PLCB1: variants seen among roughly 807,000 people sequenced by gnomAD.
The protein encoded by PLCB1 is phospholipase C beta 1.
PLCB1 carries 46 observed loss-of-function variants against 161.8 expected under a neutral mutation model. The ratio of observed to expected loss-of-function variants is 0.28; its 90% CI spans 0.22 to 0.36. The LOEUF is 0.36. Ranked by LOEUF, PLCB1 falls within the 10% of genes least tolerant of loss-of-function variation. The probability of loss-of-function intolerance (pLI) is 1.00; values close to 1 mark genes in which losing one functional copy is unlikely to be tolerated. For missense variants in PLCB1, 1,016 were observed against 1,472.5 expected (o/e 0.69, Z 5.07); for synonymous variants, 517 against 503.7 (o/e 1.03, Z -0.35).
intron 2 of PLCB1, among the ~76,000 whole-genome samples, chr20:8,296,855 A>G (rs1366863847): frequency 1.3e-5 from 2 of 152,196 alleles, no homozygotes; most frequent in Non-Finnish European, 2.9e-5. Context: ...TCATGCAGAC[A>G]TTATATATCA....
At chr20:8,354,671 G>C (rs1482734602) in intron 2 of PLCB1, among the ~76,000 whole-genome samples, 1 of 152,184 alleles carries the variant, frequency 6.6e-6, no homozygotes, top group Non-Finnish European at 1.5e-5. Flanking sequence ...GAGCGGAGGA[G>C]AGTTGGGGAA....
intron 2 of PLCB1, among the ~76,000 whole-genome samples, chr20:8,322,848 G>A (rs1037422205): frequency 4.6e-5 from 7 of 152,172 alleles, no homozygotes; most frequent in Non-Finnish European, 8.8e-5. Flanking sequence ...CAGAGGAAAG[G>A]AAGTAGCTGT....
intron 31 of PLCB1, among the ~76,000 whole-genome samples, chr20:8,795,840 A>C (rs1374010407): frequency 1.3e-5 from 2 of 150,912 alleles, no homozygotes; most frequent in Non-Finnish European, 2.9e-5. Context: ...GCGCCACTGC[A>C]TTCAAGCCTG....
At chr20:8,313,404 G>A (rs1241108876) in intron 2 of PLCB1, among the ~76,000 whole-genome samples, 5 of 151,908 alleles carry the variant, frequency 3.3e-5, no homozygotes, top group African/African-American at 4.8e-5. Context: ...GGTGGTGACA[G>A]AAGAGCAAAG....
chr20:8,775,830 C>T (rs1027564167), intron 27 of PLCB1, among the ~76,000 whole-genome samples: 1 of 152,128 alleles, frequency 6.6e-6, no homozygotes, highest in African/African-American at 2.4e-5. Context: ...ATCCCAGGAC[C>T]AGACTTCAAG....
At chr20:8,802,157 A>G in intron 31 of PLCB1, 3 of 1,602,440 alleles carry the variant, frequency 1.9e-6, no homozygotes, top group Non-Finnish European at 2.6e-6. Context: ...AGTGGTGACC[A>G]CCGTCCTTCC....
At chr20:8,229,613 G>A (rs1003615447) in intron 2 of PLCB1, among the ~76,000 whole-genome samples, 1 of 152,150 alleles carries the variant, frequency 6.6e-6, no homozygotes, top group Non-Finnish European at 1.5e-5. Context: ...CACAGATATG[G>A]AACATTTCCA....
At chr20:8,368,777 T>A (rs1023596073) in intron 2 of PLCB1, among the ~76,000 whole-genome samples, 12 of 152,232 alleles carry the variant, frequency 7.9e-5, no homozygotes, top group Admixed American at 5.2e-4. Context: ...CTCTGTGACA[T>A]ATCCTAAGTG....
At chr20:8,485,836 C>T (rs1467164369) in intron 3 of PLCB1, among the ~76,000 whole-genome samples, 3 of 152,198 alleles carry the variant, frequency 2.0e-5, no homozygotes, top group African/African-American at 7.2e-5. Flanking sequence ...TTGGGGTCTA[C>T]AGAGGTATGG....
intron 3 of PLCB1, among the ~76,000 whole-genome samples, chr20:8,407,507 G>A (rs968873636): frequency 3.9e-5 from 6 of 152,178 alleles, no homozygotes; most frequent in African/African-American, 1.2e-4. Flanking sequence ...ACATGGTGGC[G>A]GCAAGAGAAA....
intron 9 of PLCB1, among the ~76,000 whole-genome samples, chr20:8,670,187 A>G (rs978138611): frequency 2.6e-5 from 4 of 152,144 alleles, no homozygotes; most frequent in Admixed American, 6.5e-5. Context: ...TTATCTTTCT[A>G]TGTCATTTTA....
rs547278365 is a variant in PLCB1 at position 8,698,973 on chromosome 20, A to C, written c.1167+1190A>C. On this transcript the variant is annotated intron_variant, in intron 11 of 31. Transcript: ENST00000338037. ...AAGCCCAAATATCTAAAGTCTGTCC[A>C]CATGTCCTGCAAAGAGCCTTCCCCA... Among the ~76,000 whole-genome samples the C allele has an allele frequency of 3.3e-5, 5 of 152,290 alleles. No homozygotes were observed. The South Asian group carries it at 1.0e-3, about 32-fold the overall frequency.
At position 8,883,734 on chromosome 20, in the gene PLCB1, A is replaced by T. The variant is rs1461131426; in HGVS notation, c.*1885A>T. On this transcript the variant is annotated 3_prime_UTR_variant, in exon 32 of 32. Transcript: ENST00000338037. ...TCTAGTAAGACGTAAGGGGAAAATC[A>T]CATCCTCTTTGGAGATGATTATATT... The T allele has an allele frequency of 6.6e-6, 1 of 152,512 alleles. No individual in the cohort carries two copies. Among genetic ancestry groups the T allele is most frequent in the African/African-American group, 2.4e-5 (1 of 41,432 alleles). 9.4% of individuals were successfully genotyped at this position (152,512 alleles called of 1,614,324 possible). A position where few individuals can be genotyped will look rare whatever the true frequency, so the allele number is the denominator to read the frequency against.
chr20:8,357,295 G>A (rs538141990), intron 2 of PLCB1, among the ~76,000 whole-genome samples: 66 of 152,220 alleles, frequency 4.3e-4, no homozygotes, highest in African/African-American at 1.4e-3. Flanking sequence ...GGGGCTACCC[G>A]GAATCAGCAT....
chr20:8,880,343 C>T (rs1987928958), intron 31 of PLCB1, among the ~76,000 whole-genome samples: 1 of 152,098 alleles, frequency 6.6e-6, no homozygotes, highest in South Asian at 2.1e-4. Flanking sequence ...CCGGAGAATC[C>T]CAGCTTTTAT....
chr20:8,253,725 A>G (rs1568606531), intron 2 of PLCB1, among the ~76,000 whole-genome samples: 1 of 151,942 alleles, frequency 6.6e-6, no homozygotes, highest in African/African-American at 2.4e-5. Context: ...CCCATCACCC[A>G]AGAACTAAGC....
intron 31 of PLCB1, among the ~76,000 whole-genome samples, chr20:8,825,188 C>T (rs987808000): frequency 5.3e-5 from 8 of 151,952 alleles, no homozygotes; most frequent in Non-Finnish European, 8.8e-5. Flanking sequence ...TGAAATTTAC[C>T]CCCCCAAAAA....
intron 3 of PLCB1, among the ~76,000 whole-genome samples, chr20:8,436,311 CAG>C (rs1391629607): frequency 7.5e-6 from 1 of 133,854 alleles, no homozygotes; most frequent in African/African-American, 2.8e-5. Flanking sequence ...GTCTGGGTGA[CAG>C]AGTGAGACCC....
intron 3 of PLCB1, among the ~76,000 whole-genome samples, chr20:8,426,651 G>A (rs1979788071): frequency 6.6e-6 from 1 of 152,130 alleles, no homozygotes; most frequent in South Asian, 2.1e-4. Flanking sequence ...AAACTGTATG[G>A]TATTGGGGTT....
Sources: allele counts gnomAD v4.1 joint callset (sites outside exome capture counted in the v4.1 genomes callset), GRCh38; gene constraint gnomAD v4.1.1; transcripts MANE v1.5; gene names NCBI Gene and HGNC (gene_info 2026-07-23, HGNC 2026-07-21).